The following TSHR variants were observed in gnomAD, a reference collection of about 807,000 sequenced individuals.
TSHR encodes thyrotropin receptor.
In TSHR, 51 loss-of-function variants were observed where a neutral mutation model predicts 64.1. The ratio of observed to expected loss-of-function variants is 0.80; its 90% CI spans 0.64 to 1.01. The LOEUF (loss-of-function observed/expected upper bound fraction) is 1.01. Ranked by LOEUF, TSHR falls within the 50% of genes least tolerant of loss-of-function variation. TSHR has a pLI of 0.00. For missense variants in TSHR, 877 were observed against 942.8 expected (o/e 0.93, Z 0.91); for synonymous variants, 361 against 361.9 (o/e 1.00, Z 0.03).
At chr14:81,092,413 A>G in intron 5 of TSHR, 118 bp from the exon 6 acceptor site, 1 of 994,432 alleles carries the variant, frequency 1.0e-6, no homozygotes, top group Non-Finnish European at 1.6e-6. Flanking sequence ...TGAAACTTAA[A>G]AAGAAATAAG....
intron 3 of TSHR, among the ~76,000 whole-genome samples, chr14:81,071,057 A>G (rs1398352315): frequency 2.6e-5 from 4 of 152,252 alleles, no homozygotes; most frequent in East Asian, 1.9e-4. Flanking sequence ...TTTGCTCTGC[A>G]TGATAGTGTG....
intron 1 of TSHR, among the ~76,000 whole-genome samples, chr14:80,999,576 T>C (rs1566755941): frequency 6.6e-6 from 1 of 152,220 alleles, no homozygotes; most frequent in Non-Finnish European, 1.5e-5. Flanking sequence ...TTCACATCGA[T>C]AATTAAACTA....
At chr14:81,096,813 G>A (rs918190811) in intron 7 of TSHR, 106 bp downstream of exon 7, 23 of 1,264,260 alleles carry the variant, frequency 1.8e-5, no homozygotes, top group East Asian at 5.0e-5. Context: ...CATCTTCCAC[G>A]CCAGAGTTAG....
At chr14:80,956,305 T>C (rs1035193360) in intron 1 of TSHR, among the ~76,000 whole-genome samples, 1 of 152,242 alleles carries the variant, frequency 6.6e-6, no homozygotes, top group Non-Finnish European at 1.5e-5. Context: ...TTCTGCTGAT[T>C]CATCAAATTG....
In TSHR at chr14:81,143,060, T is replaced by C; in HGVS notation, c.1002T>C (p.Ile334=). ...ATGAAGAGAATCTGGGTGACAGCAT[T>C]GTTGGGTACAAGGAAAAGTCCAAGT... The part of the protein sequence containing the change: ...QEYEENLGDS[I]VGYKEKSKFQ... The change falls in exon 10 of 10, where the codon ATT becomes ATC. Residue 334 remains isoleucine (I), a synonymous_variant. Transcript: ENST00000298171. 1 of 1,614,132 alleles carries C rather than the reference T, an allele frequency of 6.2e-7. No individual in the cohort carries two copies. Among genetic ancestry groups the C allele is most frequent in the Non-Finnish European group, 8.5e-7 (1 of 1,180,022 alleles).
intron 1 of TSHR, among the ~76,000 whole-genome samples, chr14:80,966,689 G>A (rs1423849026): frequency 6.6e-6 from 1 of 152,158 alleles, no homozygotes; most frequent in African/African-American, 2.4e-5. Flanking sequence ...AAGGAATACT[G>A]GAAGTTGCAT....
chr14:81,133,752 T>C (rs1891342006), intron 8 of TSHR, among the ~76,000 whole-genome samples: 1 of 152,008 alleles, frequency 6.6e-6, no homozygotes, highest in African/African-American at 2.4e-5. Context: ...GCTCCTAACA[T>C]GGAAGATCAA....
intron 1 of TSHR, among the ~76,000 whole-genome samples, chr14:80,987,415 G>A (rs1888516226): frequency 6.6e-6 from 1 of 152,102 alleles, no homozygotes; most frequent in African/African-American, 2.4e-5. Flanking sequence ...ATACTTCAAC[G>A]CTAGTTCAAT....
chr14:81,122,254 G>C (rs921749282), intron 8 of TSHR, among the ~76,000 whole-genome samples: 1 of 151,324 alleles, frequency 6.6e-6, no homozygotes, highest in Non-Finnish European at 1.5e-5. Context: ...TGTTGGCCAG[G>C]CTGGTCTCGA....
chr14:81,057,272 G>A (rs1285479623), intron 1 of TSHR, among the ~76,000 whole-genome samples: 2 of 152,072 alleles, frequency 1.3e-5, no homozygotes, highest in African/African-American at 2.4e-5. Flanking sequence ...TTAGCTGGGT[G>A]TGGTGGTGGG....
At chr14:81,058,816 A>G (rs1274667092) in intron 1 of TSHR, among the ~76,000 whole-genome samples, 2 of 152,210 alleles carry the variant, frequency 1.3e-5, no homozygotes, top group Non-Finnish European at 2.9e-5. Flanking sequence ...AAATAAACAC[A>G]TTCACTTGGT....
intron 1 of TSHR, among the ~76,000 whole-genome samples, chr14:81,056,862 A>G (rs375852827): frequency 9.8e-5 from 15 of 152,326 alleles, no homozygotes; most frequent in African/African-American, 2.9e-4. Context: ...ATATTTTTGT[A>G]TCATTTGTAA....
intron 1 of TSHR, among the ~76,000 whole-genome samples, chr14:80,956,779 CTATT>C (rs1376593611): frequency 6.6e-6 from 1 of 152,140 alleles, no homozygotes; most frequent in African/African-American, 2.4e-5. Context: ...CTCATGAAGA[CTATT>C]TAACAGTAGA....
chr14:81,066,065 T>C (rs182122207), intron 2 of TSHR, among the ~76,000 whole-genome samples: 289 of 152,196 alleles, frequency 1.9e-3, no homozygotes, highest in African/African-American at 6.8e-3. Context: ...ACAATTTTTA[T>C]CCCCCTGAAT....
At chr14:81,140,078 G>A (rs2273845) in intron 9 of TSHR, among the ~76,000 whole-genome samples, 2 of 152,242 alleles carry the variant, frequency 1.3e-5, no homozygotes, top group African/African-American at 2.4e-5. Flanking sequence ...GCTGGATAGC[G>A]GTAGAGCAGA....
intron 8 of TSHR, chr14:81,108,872 G>A: frequency 6.9e-7 from 1 of 1,448,960 alleles, no homozygotes; most frequent in Non-Finnish European, 9.0e-7. Flanking sequence ...ATAAATGATA[G>A]TTCGACTCGT....
chr14:81,050,244 AC>A (rs1227409636), intron 1 of TSHR: 2 of 152,166 alleles, frequency 1.3e-5, no homozygotes, highest in Non-Finnish European at 2.9e-5. Flanking sequence ...GAAATTCCCA[AC>A]CGGTCTATGT....
chr14:81,109,011 G>A, intron 8 of TSHR: 1 of 1,244,594 alleles, frequency 8.0e-7, no homozygotes, highest in Non-Finnish European at 1.0e-6. Flanking sequence ...AGGTTCTATT[G>A]ATTCTGCTTC....
At chr14:81,067,099 A>G (rs904148570) in intron 2 of TSHR, among the ~76,000 whole-genome samples, 9 of 152,144 alleles carry the variant, frequency 5.9e-5, no homozygotes, top group African/African-American at 1.9e-4. Context: ...AGCTTCATTT[A>G]AAATCATGAA....
Sources: allele counts gnomAD v4.1 joint callset (sites outside exome capture counted in the v4.1 genomes callset), GRCh38; gene constraint gnomAD v4.1.1; transcripts MANE v1.5; gene names NCBI Gene and HGNC (gene_info 2026-07-23, HGNC 2026-07-21).